Variants in MYO10 observed in about 807,000 individuals in gnomAD.
MYO10 encodes myosin X.
MYO10 carries 133 observed loss-of-function variants against 257.3 expected under a neutral mutation model. That is an observed-to-expected ratio of 0.52 (90% CI 0.45 to 0.60). The LOEUF (loss-of-function observed/expected upper bound fraction) is 0.60. Among genes scored for constraint, MYO10 ranks in the 20% least tolerant of loss-of-function variants. MYO10 has a pLI of 0.00. For synonymous variants in MYO10, 1,104 were observed against 1,028.6 expected, an observed-to-expected ratio of 1.07 and a Z score of -1.40; for missense variants, 2,399 against 2,635.7, an observed-to-expected ratio of 0.91 and a Z score of 1.97.
chr5:16,697,209 C>T (rs1737786559), intron 26 of MYO10, among the ~76,000 whole-genome samples: 1 of 151,896 alleles, frequency 6.6e-6, no homozygotes, highest in Admixed American at 6.6e-5. Flanking sequence ...CTCTGAAAGG[C>T]AAATGACTGA....
At chr5:16,842,602 T>G (rs576010636) in intron 2 of MYO10, among the ~76,000 whole-genome samples, 3 of 152,306 alleles carry the variant, frequency 2.0e-5, no homozygotes, top group African/African-American at 7.2e-5. Context: ...CTCACAAAGC[T>G]GCTGTAAGCA....
chr5:16,853,297 C>G (rs1238142219), intron 2 of MYO10, among the ~76,000 whole-genome samples: 2 of 151,914 alleles, frequency 1.3e-5, no homozygotes, highest in African/African-American at 4.8e-5. Flanking sequence ...TGGCATGAAC[C>G]CGAGAGGCGG....
At chr5:16,897,451 A>G (rs1440290940) in intron 1 of MYO10, among the ~76,000 whole-genome samples, 1 of 152,212 alleles carries the variant, frequency 6.6e-6, no homozygotes, top group African/African-American at 2.4e-5. Flanking sequence ...TGAAACAAGC[A>G]TCCCTAGATG....
intron 4 of MYO10, among the ~76,000 whole-genome samples, chr5:16,793,622 C>T (rs1485218649): frequency 3.3e-5 from 5 of 150,766 alleles, no homozygotes; most frequent in Non-Finnish European, 7.4e-5. Flanking sequence ...TGTGCCCAGC[C>T]AATAAATATT....
chr5:16,719,301 G>T (rs1455242349), intron 19 of MYO10, among the ~76,000 whole-genome samples: 1 of 152,164 alleles, frequency 6.6e-6, no homozygotes, highest in East Asian at 1.9e-4. Context: ...TGAAGTCAGT[G>T]ACACCAAGAA....
intron 10 of MYO10, 75 bp from the exon 11 acceptor site, chr5:16,766,273 C>T (rs1022727494): frequency 8.6e-5 from 91 of 1,058,488 alleles, no homozygotes; most frequent in Non-Finnish European, 1.3e-4. Context: ...TACCTTAACG[C>T]AGAGAACACA....
rs199580721 is a variant in MYO10 at position 16,764,234 on chromosome 5, C to T, written c.1326+16G>A. The T allele has an allele frequency of 6.2e-7, 1 of 1,613,494 alleles. No homozygotes were observed. The highest frequency in any genetic ancestry group is 1.7e-5 in the Admixed American group (1 of 60,008). On this transcript the variant is annotated intron_variant, in intron 12 of 40. Transcript: ENST00000513610. ...GACAGAAGAGAATTCACGTGCTGCACTGTTAGGAAACCTACCTCAAAGTTT... is the reference window on the plus strand; with the variant it reads ...GACAGAAGAGAATTCACGTGCTGCATTGTTAGGAAACCTACCTCAAAGTTT...
chr5:16,915,267 A>G (rs1745782921), intron 1 of MYO10, among the ~76,000 whole-genome samples: 1 of 152,240 alleles, frequency 6.6e-6, no homozygotes, highest in African/African-American at 2.4e-5. Flanking sequence ...AGCCATAGGT[A>G]GTTCATCTCT....
At chr5:16,674,580 T>TAA (rs1371417455) in intron 35 of MYO10, among the ~76,000 whole-genome samples, 3 of 141,760 alleles carry the variant, frequency 2.1e-5, no homozygotes, top group Non-Finnish European at 4.5e-5. Context: ...TTTTTTTTTT[T>TAA]AAATATAGAG....
intron 2 of MYO10, among the ~76,000 whole-genome samples, chr5:16,845,888 C>G (rs1350141273): frequency 1.3e-5 from 2 of 151,396 alleles, no homozygotes; most frequent in Non-Finnish European, 2.9e-5. Flanking sequence ...CACTTGAAAC[C>G]AGGAGGCAGA....
chr5:16,839,202 A>G (rs1743397781), intron 2 of MYO10, among the ~76,000 whole-genome samples: 2 of 152,198 alleles, frequency 1.3e-5, no homozygotes, highest in Admixed American at 6.6e-5. Flanking sequence ...GGCAAAATAC[A>G]TTGAAAACCT....
At position 16,670,820 on chromosome 5, in the gene MYO10, G is replaced by A; in HGVS notation, c.5589C>T (p.Arg1863=). 6.2e-7 allele frequency: 1 copy of A among 1,614,038 alleles called. No individual in the cohort carries two copies. The part of the protein sequence containing the change: ...EVYSLQRLKA[R]ISQSTKTFTP... ...TGAAGGTTTTGGTTGACTGGCTGAT[G>A]CGGGCCTTGAGTCTCTGCAGGGAAT... The change falls in exon 39 of 41, where the codon CGC becomes CGT. Residue 1863 remains arginine (R), a synonymous_variant. Transcript: ENST00000513610.
At chr5:16,772,574 T>C (rs1741087103) in intron 9 of MYO10, among the ~76,000 whole-genome samples, 1 of 152,224 alleles carries the variant, frequency 6.6e-6, no homozygotes, top group African/African-American at 2.4e-5. Context: ...ATTTACAAAT[T>C]TGAAACTAGT....
At chr5:16,924,596 G>A (rs925959476) in intron 1 of MYO10, among the ~76,000 whole-genome samples, 1 of 152,112 alleles carries the variant, frequency 6.6e-6, no homozygotes, top group Non-Finnish European at 1.5e-5. Flanking sequence ...AAGCGTTCAT[G>A]CGCTGTTTTC....
At chr5:16,695,100 G>A (rs1018578609) in intron 26 of MYO10, among the ~76,000 whole-genome samples, 5 of 152,160 alleles carry the variant, frequency 3.3e-5, no homozygotes, top group East Asian at 1.9e-4. Context: ...TTGGGAGGCC[G>A]AGGCGGGTGG....
intron 1 of MYO10, among the ~76,000 whole-genome samples, chr5:16,892,025 G>T (rs748562321): frequency 6.6e-6 from 1 of 152,124 alleles, no homozygotes; most frequent in Non-Finnish European, 1.5e-5. Flanking sequence ...ATTATGGGAG[G>T]CAGAAATGGA....
At chr5:16,890,986 T>C (rs578015588) in intron 1 of MYO10, among the ~76,000 whole-genome samples, 2 of 151,744 alleles carry the variant, frequency 1.3e-5, no homozygotes, top group South Asian at 2.1e-4. Context: ...GTTAAATCCA[T>C]AGAGACAGAA....
At position 16,668,417 on chromosome 5, in the gene MYO10, C is replaced by T. The variant is rs190137500; in HGVS notation, c.5935G>A (p.Ala1979Thr). ...QELWLGVSAD[A>T]VSVYKRGEGR... Reference sequence around the variant, plus strand: ...TCTCCACGCTTGTAGACGGAGACGGCGTCCGCGCTGACACCCAACCAGAGT... The same window carrying T: ...TCTCCACGCTTGTAGACGGAGACGGTGTCCGCGCTGACACCCAACCAGAGT... Residue 1979 changes from alanine to threonine, a missense_variant, in exon 40 of 41, where the codon GCC (alanine) becomes ACC (threonine). This residue lies in a region of MYO10 where 1,820 missense variants were observed against 1,939.4 expected (regional missense o/e 0.94). Coordinates refer to ENST00000513610, the MANE Select transcript of MYO10 (RefSeq NM_012334.3). The T allele has an allele frequency of 3.7e-5, 59 of 1,613,558 alleles. No individual in the cohort carries two copies. Among genetic ancestry groups the T allele is most frequent in the South Asian group, 1.2e-4 (11 of 90,998 alleles).
At chr5:16,741,963 T>C in intron 19 of MYO10, 1 of 985,404 alleles carries the variant, frequency 1.0e-6, no homozygotes, top group Non-Finnish European at 1.2e-6. Flanking sequence ...GCTGTGCTGC[T>C]TAATTCATTC....
Sources: allele counts gnomAD v4.1 joint callset (sites outside exome capture counted in the v4.1 genomes callset), GRCh38; gene constraint gnomAD v4.1.1; regional missense constraint gnomAD v4.1.1; transcripts MANE v1.5; gene names NCBI Gene and HGNC (gene_info 2026-07-23, HGNC 2026-07-21).